DCAF17: variants seen among roughly 807,000 people sequenced by gnomAD.
DCAF17 encodes the protein DDB1 and CUL4 associated factor 17.
A neutral mutation model predicts 66.0 loss-of-function variants in DCAF17; 48 were observed. The ratio of observed to expected loss-of-function variants is 0.73; its 90% CI spans 0.58 to 0.92. The LOEUF (loss-of-function observed/expected upper bound fraction) is 0.92, where lower values mean the gene tolerates loss of function less well. Ranked by LOEUF, DCAF17 falls within the 40% of genes least tolerant of loss-of-function variation. The pLI is 0.00. For synonymous variants in DCAF17, 206 were observed against 214.6 expected, an observed-to-expected ratio of 0.96 and a Z score of 0.35; for missense variants, 562 against 622.8, an observed-to-expected ratio of 0.90 and a Z score of 1.04.
intron 5 of DCAF17, chr2:171,450,194 G>A (rs1694867283): frequency 3.4e-5 from 15 of 437,576 alleles, no homozygotes; most frequent in South Asian, 3.2e-4. Flanking sequence ...AGGATGCAAA[G>A]GCATAAGAAT....
Position 171,469,679 on chromosome 2 carries a change from A to T in DCAF17, c.981+649A>T, listed in dbSNP as rs151139278. Among the ~76,000 whole-genome samples, 431 of 152,334 alleles carry T rather than the reference A, an allele frequency of 2.8e-3. 4 individuals carry two copies. The highest frequency in any genetic ancestry group is 1.0e-2 in the African/African-American group (414 of 41,570). ...AGGACACAATCTCTTCCCTCAAGTTATACTCTTAAAGGAAACATGTAGAAA... is the reference window on the plus strand; with the variant it reads ...AGGACACAATCTCTTCCCTCAAGTTTTACTCTTAAAGGAAACATGTAGAAA... On this transcript the variant is annotated intron_variant, in intron 9 of 13. Coordinates refer to ENST00000375255, the MANE Select transcript of DCAF17 (RefSeq NM_025000.4).
Position 171,484,602 on chromosome 2 carries a change from T to G in DCAF17, c.*3488T>G, listed in dbSNP as rs1696876532. 4.4e-6 allele frequency: 2 copies of G among 452,322 alleles called. No individual in the cohort carries two copies. The highest frequency in any genetic ancestry group is 3.1e-5 in the South Asian group (2 of 63,634). The allele number at this position is 452,322 out of a possible 1,614,324, so 28.0% of individuals were successfully genotyped here. A position where few individuals can be genotyped will look rare whatever the true frequency, so the allele number is the denominator to read the frequency against. Reference sequence around the variant, plus strand: ...TTTTTAAATTTTTTTGATTTAAGATTTACCTGCAATAAAATGTACAAATCT... The same window carrying G: ...TTTTTAAATTTTTTTGATTTAAGATGTACCTGCAATAAAATGTACAAATCT... On this transcript the variant is annotated 3_prime_UTR_variant, in exon 14 of 14. Coordinates refer to ENST00000375255, the MANE Select transcript of DCAF17 (RefSeq NM_025000.4).
chr2:171,462,683 G>GA (rs1020973948), intron 8 of DCAF17, among the ~76,000 whole-genome samples: 3 of 152,080 alleles, frequency 2.0e-5, no homozygotes, highest in African/African-American at 7.2e-5. Context: ...TGTACTCCTT[G>GA]AACCCAGCAA....
At chr2:171,437,936 C>T (rs1694064664) in intron 2 of DCAF17, among the ~76,000 whole-genome samples, 1 of 152,176 alleles carries the variant, frequency 6.6e-6, no homozygotes, top group South Asian at 2.1e-4. Flanking sequence ...TTACTAGTTT[C>T]CTAAGGTAGA....
chr2:171,450,209 C>A (rs2105754250), intron 5 of DCAF17: 3 of 411,840 alleles, frequency 7.3e-6, no homozygotes, highest in South Asian at 6.7e-5. Context: ...AAGAATGATA[C>A]AATTTACTCT....
chr2:171,480,618 T>A (rs1387315373), intron 13 of DCAF17, among the ~76,000 whole-genome samples: 2 of 152,172 alleles, frequency 1.3e-5, no homozygotes, highest in Non-Finnish European at 2.9e-5. Context: ...GTCAAAGTTG[T>A]AAGGAACAAT....
chr2:171,476,159 T>C (rs1448237924), intron 10 of DCAF17, among the ~76,000 whole-genome samples: 2 of 152,174 alleles, frequency 1.3e-5, no homozygotes, highest in East Asian at 3.9e-4. Flanking sequence ...CTTTTTTTTT[T>C]TGCATTTGAG....
intron 3 of DCAF17, among the ~76,000 whole-genome samples, chr2:171,447,220 A>C (rs1694679767): frequency 6.6e-6 from 1 of 152,148 alleles, no homozygotes; most frequent in Non-Finnish European, 1.5e-5. Context: ...GCATACAAAC[A>C]AAAATTATTT....
In DCAF17 at chr2:171,436,868, G is replaced by A. The variant is rs148033562; in HGVS notation, c.230+1682G>A. Among the ~76,000 whole-genome samples, 226 of 150,616 alleles carry A rather than the reference G, an allele frequency of 1.5e-3. 2 individuals carry two copies. The East Asian group carries it at 0.017, about 11-fold the overall frequency. ...CGGCTCACTGCAGTCTCCACCTTCC[G>A]GGTTCAGGTGATTCTCCTGCCTCAG... On this transcript the variant is annotated intron_variant, in intron 2 of 13. Coordinates refer to ENST00000375255, the MANE Select transcript of DCAF17 (RefSeq NM_025000.4).
intron 8 of DCAF17, among the ~76,000 whole-genome samples, chr2:171,466,717 T>C (rs914412883): frequency 2.8e-5 from 4 of 141,842 alleles, no homozygotes; most frequent in African/African-American, 1.0e-4. Flanking sequence ...TAAGTACATC[T>C]GTTTGTACTG....
In DCAF17 at chr2:171,482,257, A is replaced by T. The variant is rs1187889829; in HGVS notation, c.*1143A>T. 6.6e-6 allele frequency: 3 copies of T among 454,016 alleles called. No homozygotes were observed. The highest frequency in any genetic ancestry group is 1.3e-5 in the Non-Finnish European group (3 of 226,730). 28.1% of individuals were successfully genotyped at this position (454,016 alleles called of 1,614,324 possible). On this transcript the variant is annotated 3_prime_UTR_variant, in exon 14 of 14. Transcript: ENST00000375255. ...TTATCCGATGTAACCTCAAAAGAAT[A>T]ACTGGTAATAAGGGAAGGAAACAGC...
At chr2:171,451,795 C>T (rs1403382466) in intron 5 of DCAF17, among the ~76,000 whole-genome samples, 2 of 152,142 alleles carry the variant, frequency 1.3e-5, no homozygotes, top group African/African-American at 2.4e-5. Context: ...AGCATGGTCT[C>T]GATCTCTTGA....
chr2:171,464,390 CTTTGGTG>C (rs1695769067), intron 8 of DCAF17, among the ~76,000 whole-genome samples: 1 of 152,182 alleles, frequency 6.6e-6, no homozygotes, highest in South Asian at 2.1e-4. Flanking sequence ...TGTTCACAAT[CTTTGGTG>C]TTTCTTGGCT....
At chr2:171,466,200 T>C (rs1217952956) in intron 8 of DCAF17, among the ~76,000 whole-genome samples, 1 of 152,140 alleles carries the variant, frequency 6.6e-6, no homozygotes, top group Non-Finnish European at 1.5e-5. Flanking sequence ...GTAGAAGAAA[T>C]ATATCAAGTT....
chr2:171,447,896 G>A (rs1694725571), intron 3 of DCAF17, among the ~76,000 whole-genome samples: 1 of 152,216 alleles, frequency 6.6e-6, no homozygotes, highest in Admixed American at 6.5e-5. Context: ...GAGTGCCCAT[G>A]CAGCTATCCT....
intron 2 of DCAF17, among the ~76,000 whole-genome samples, chr2:171,440,618 A>T (rs1694253359): frequency 6.6e-6 from 1 of 152,142 alleles, no homozygotes; most frequent in Admixed American, 6.5e-5. Context: ...AAAAGAATTA[A>T]ATAGGCCTTT....
intron 8 of DCAF17, among the ~76,000 whole-genome samples, chr2:171,459,258 G>A (rs537111291): frequency 6.6e-6 from 1 of 152,120 alleles, no homozygotes; most frequent in African/African-American, 2.4e-5. Flanking sequence ...GTTGTGGTGA[G>A]CCAAGATCAT....
At chr2:171,455,128 C>T (rs992553631) in intron 6 of DCAF17, among the ~76,000 whole-genome samples, 2 of 140,326 alleles carry the variant, frequency 1.4e-5, no homozygotes, top group African/African-American at 5.3e-5. Context: ...CCTTTCCCTC[C>T]TCCCACCCTC....
At chr2:171,460,055 T>C (rs1695483949) in intron 8 of DCAF17, among the ~76,000 whole-genome samples, 1 of 152,168 alleles carries the variant, frequency 6.6e-6, no homozygotes, top group Non-Finnish European at 1.5e-5. Context: ...CTGGGCACAG[T>C]GGCTCAAGAC....
Sources: gnomAD v4.1 joint callset for allele counts (sites outside exome capture counted in the v4.1 genomes callset) on GRCh38, gnomAD v4.1.1 for gene constraint, MANE v1.5 for transcripts, NCBI Gene and HGNC (gene_info 2026-07-23, HGNC 2026-07-21) for gene names.